CNTN5: variants seen among roughly 807,000 people sequenced by gnomAD.
CNTN5 encodes contactin-5.
A neutral mutation model predicts 129.1 loss-of-function variants in CNTN5; 77 were observed. That is an observed-to-expected ratio of 0.60 (90% CI 0.50 to 0.72). The LOEUF is 0.72. Ranked by LOEUF, CNTN5 falls within the 30% of genes least tolerant of loss-of-function variation. The pLI is 0.00. For missense variants in CNTN5, 1,478 were observed against 1,328.8 expected, an observed-to-expected ratio of 1.11 and a Z score of -1.75; for synonymous variants, 509 against 465.6, an observed-to-expected ratio of 1.09 and a Z score of -1.20.
intron 9 of CNTN5, among the ~76,000 whole-genome samples, chr11:100,006,670 GT>G (rs1940212688): frequency 1.3e-5 from 2 of 152,042 alleles, no homozygotes; most frequent in Admixed American, 1.3e-4. Flanking sequence ...CCCCACTAAA[GT>G]TTTGAACCCC....
chr11:100,136,294 T>C (rs1946522511), intron 13 of CNTN5, among the ~76,000 whole-genome samples: 2 of 152,100 alleles, frequency 1.3e-5, no homozygotes, highest in African/African-American at 4.8e-5. Context: ...ATAAAATTTC[T>C]TCATATATCA....
rs139177579 is a variant in CNTN5 at position 99,296,628 on chromosome 11, G to C, written c.-209-28718G>C. Among the ~76,000 whole-genome samples, 970 of 152,276 alleles carry C rather than the reference G, an allele frequency of 6.4e-3. 9 individuals carry two copies. The highest frequency in any genetic ancestry group is 0.021 in the African/African-American group (852 of 41,560). ...CTTTGATTGTCTTCCCAGGAATATGGAACCAAACATTGGTTTTAGGGTGGA... is the reference window on the plus strand; with the variant it reads ...CTTTGATTGTCTTCCCAGGAATATGCAACCAAACATTGGTTTTAGGGTGGA... On this transcript the variant is annotated intron_variant, in intron 1 of 24. Coordinates refer to ENST00000524871, the MANE Select transcript of CNTN5 (RefSeq NM_014361.4).
At chr11:100,302,996 C>T (rs1207510758) in intron 20 of CNTN5, among the ~76,000 whole-genome samples, 1 of 151,568 alleles carries the variant, frequency 6.6e-6, no homozygotes, top group Non-Finnish European at 1.5e-5. Context: ...AGAGTACTGT[C>T]AGAAAAAGTT....
chr11:100,269,793 G>A (rs1950374276), intron 17 of CNTN5, among the ~76,000 whole-genome samples: 1 of 152,152 alleles, frequency 6.6e-6, no homozygotes, highest in Non-Finnish European at 1.5e-5. Context: ...GATGTCTGGA[G>A]TTACTTGAGA....
chr11:100,346,842 T>C (rs1952292143), intron 23 of CNTN5, among the ~76,000 whole-genome samples: 1 of 152,122 alleles, frequency 6.6e-6, no homozygotes, highest in South Asian at 2.1e-4. Flanking sequence ...AGAAAGAGTT[T>C]TAATGGACTC....
In CNTN5 at chr11:99,131,255, A is replaced by AAAAAAAG. The variant is rs1252008206; in HGVS notation, c.-210+109991_-210+109992insGAAAAAA. ...AGAGTGAGACTCCATCTCAGAAAAA[A>AAAAAAAG]AAAAAAAAAGAAAAATTTATAGCAC... On this transcript the variant is annotated intron_variant, in intron 1 of 24. Transcript: ENST00000524871. 7.7e-4 allele frequency among the ~76,000 whole-genome samples: 114 copies of AAAAAAAG among 148,506 alleles called. 5 individuals are homozygous for AAAAAAAG. Among genetic ancestry groups the AAAAAAAG allele is most frequent in the African/African-American group, 2.8e-3 (112 of 40,418 alleles).
chr11:100,039,135 C>T (rs1214999730), intron 9 of CNTN5, among the ~76,000 whole-genome samples: 1 of 152,150 alleles, frequency 6.6e-6, no homozygotes, highest in Non-Finnish European at 1.5e-5. Context: ...TTTAGTGCTT[C>T]CTTCAGTAGC....
At chr11:99,240,364 G>A (rs138778139) in intron 1 of CNTN5, among the ~76,000 whole-genome samples, 3 of 152,266 alleles carry the variant, frequency 2.0e-5, no homozygotes, top group African/African-American at 7.2e-5. Context: ...CAGGATACCG[G>A]CTATATCTGT....
intron 1 of CNTN5, among the ~76,000 whole-genome samples, chr11:99,033,442 A>C (rs1863511751): frequency 6.6e-6 from 1 of 151,942 alleles, no homozygotes; most frequent in African/African-American, 2.4e-5. Context: ...CTTTTATTTC[A>C]CTGAGCAGTG....
chr11:99,233,180 CA>C (rs1167866155), intron 1 of CNTN5, among the ~76,000 whole-genome samples: 1 of 152,176 alleles, frequency 6.6e-6, no homozygotes, highest in Non-Finnish European at 1.5e-5. Context: ...TGCTTTGTCA[CA>C]GCTGAATTGA....
intron 3 of CNTN5, among the ~76,000 whole-genome samples, chr11:99,778,081 T>C (rs767144113): frequency 1.7e-4 from 26 of 152,026 alleles, no homozygotes; most frequent in Non-Finnish European, 3.2e-4. Flanking sequence ...GAATTTTTTT[T>C]CAACTTATCT....
At chr11:99,065,162 CTG>C (rs1865051097) in intron 1 of CNTN5, among the ~76,000 whole-genome samples, 1 of 136,420 alleles carries the variant, frequency 7.3e-6, no homozygotes, top group Admixed American at 7.3e-5. Flanking sequence ...CTGTTAGAGT[CTG>C]TGTTTCCCAT....
intron 1 of CNTN5, among the ~76,000 whole-genome samples, chr11:99,287,541 T>C (rs1863989786): frequency 6.6e-6 from 1 of 152,048 alleles, no homozygotes; most frequent in South Asian, 2.1e-4. Context: ...AATTATACTG[T>C]CCCAATAATC....
chr11:99,197,837 ATAG>A (rs1185965454), intron 1 of CNTN5, among the ~76,000 whole-genome samples: 1 of 152,136 alleles, frequency 6.6e-6, no homozygotes, highest in Non-Finnish European at 1.5e-5. Flanking sequence ...TTATTTTCTA[ATAG>A]TAGAGATAAT....
chr11:100,183,512 T>C (rs1171847856), intron 13 of CNTN5, among the ~76,000 whole-genome samples: 1 of 152,158 alleles, frequency 6.6e-6, no homozygotes, highest in Non-Finnish European at 1.5e-5. Flanking sequence ...AAGTATGTAA[T>C]GTATTATTCT....
intron 15 of CNTN5, among the ~76,000 whole-genome samples, chr11:100,204,317 T>TATAA (rs2138563931): frequency 2.0e-5 from 2 of 99,608 alleles, no homozygotes; most frequent in South Asian, 3.4e-4. Flanking sequence ...TATATATATA[T>TATAA]ATATATATAT....
chr11:99,675,542 G>A (rs901040623), intron 3 of CNTN5, among the ~76,000 whole-genome samples: 9 of 152,068 alleles, frequency 5.9e-5, no homozygotes, highest in South Asian at 2.1e-4. Context: ...GATATTAGCT[G>A]GGCATGGTGG....
intron 3 of CNTN5, among the ~76,000 whole-genome samples, chr11:99,590,119 A>G (rs528264440): frequency 3.3e-5 from 5 of 152,232 alleles, no homozygotes; most frequent in Non-Finnish European, 7.3e-5. Context: ...GCCTCTATGT[A>G]AGCGGAAGAG....
At chr11:100,276,092 C>T (rs182649306) in intron 18 of CNTN5, among the ~76,000 whole-genome samples, 15 of 152,200 alleles carry the variant, frequency 9.9e-5, no homozygotes, top group Admixed American at 9.2e-4. Flanking sequence ...AAGTGGTATG[C>T]CTCTTTAAGG....
Sources: allele counts gnomAD v4.1 joint callset (sites outside exome capture counted in the v4.1 genomes callset), GRCh38; gene constraint gnomAD v4.1.1; transcripts MANE v1.5; gene names NCBI Gene and HGNC (gene_info 2026-07-23, HGNC 2026-07-21).